PTPN1: variants seen among roughly 807,000 people sequenced by gnomAD.
PTPN1 encodes protein tyrosine phosphatase non-receptor type 1, also known as tyrosine-protein phosphatase non-receptor type 1.
In PTPN1, 12 loss-of-function variants were observed where a neutral mutation model predicts 59.9. The observed-to-expected ratio is 0.20, with a 90% CI of 0.13 to 0.32. The LOEUF (loss-of-function observed/expected upper bound fraction) is 0.32. PTPN1 is among the 10% of genes least tolerant of loss of function. PTPN1 has a pLI of 1.00. For synonymous variants in PTPN1, 178 were observed against 203.6 expected, an observed-to-expected ratio of 0.87 and a Z score of 1.07; for missense variants, 356 against 549.2, an observed-to-expected ratio of 0.65 and a Z score of 3.52.
intron 1 of PTPN1, among the ~76,000 whole-genome samples, chr20:50,541,565 A>T (rs941772973): frequency 6.6e-6 from 1 of 152,104 alleles, no homozygotes; most frequent in East Asian, 1.9e-4. Flanking sequence ...CCTTTCTAAG[A>T]GCCTGGGCAA....
chr20:50,559,737 G>A (rs1295485505), intron 1 of PTPN1, among the ~76,000 whole-genome samples: 3 of 151,726 alleles, frequency 2.0e-5, no homozygotes, highest in Non-Finnish European at 4.4e-5. Flanking sequence ...TTTAAGTTTC[G>A]AGAGACATCT....
At chr20:50,547,810 C>T (rs2082682506) in intron 1 of PTPN1, among the ~76,000 whole-genome samples, 1 of 152,172 alleles carries the variant, frequency 6.6e-6, no homozygotes, top group African/African-American at 2.4e-5. Context: ...CATCAGGCCT[C>T]AGGGAATCAA....
At position 50,582,818 on chromosome 20, in the gene PTPN1, C is replaced by T. The variant is rs1473036396; in HGVS notation, c.*103C>T. 2.8e-6 allele frequency: 4 copies of T among 1,431,080 alleles called. No individual in the cohort carries two copies. The highest frequency in any genetic ancestry group is 3.7e-5 in the Admixed American group (2 of 53,692). 88.6% of individuals were successfully genotyped at this position (1,431,080 alleles called of 1,614,324 possible). ...GCGGTAGGTAAGGGCCGCCGGACCG[C>T]GTAGAGAGCCGGGCCCCGGACGGAC... is the stretch of plus-strand genomic sequence containing the variant. On this transcript the variant is annotated 3_prime_UTR_variant, in exon 10 of 10. Transcript: ENST00000371621. The surrounding 1 kb of genome is among the most constrained non-coding windows in gnomAD (Gnocchi z 4.2).
chr20:50,541,795 A>G (rs1271292276), intron 1 of PTPN1, among the ~76,000 whole-genome samples: 1 of 152,144 alleles, frequency 6.6e-6, no homozygotes, highest in Non-Finnish European at 1.5e-5. Flanking sequence ...GCTTGGACAT[A>G]GCTGTATGAT....
At chr20:50,517,423 T>G (rs770407167) in intron 1 of PTPN1, among the ~76,000 whole-genome samples, 1 of 151,906 alleles carries the variant, frequency 6.6e-6, no homozygotes, top group Non-Finnish European at 1.5e-5. Context: ...CCCAGCTAAT[T>G]TTTGTATTTT....
chr20:50,584,864 A>G lies in PTPN1; in HGVS notation c.*2149A>G, dbSNP rs1032450442. On this transcript the variant is annotated 3_prime_UTR_variant, in exon 10 of 10. Transcript: ENST00000371621. ...TGCTGATGTGAAACAGATGTTGTCAATCAGCTGGGGTTAGAGTTTTCCACT... is the reference window on the plus strand; with the variant it reads ...TGCTGATGTGAAACAGATGTTGTCAGTCAGCTGGGGTTAGAGTTTTCCACT... 38 of 152,208 alleles carry G rather than the reference A, an allele frequency of 2.5e-4. No homozygotes were observed. Among genetic ancestry groups the G allele is most frequent in the African/African-American group, 7.7e-4 (32 of 41,456 alleles). 9.4% of individuals were successfully genotyped at this position (152,208 alleles called of 1,614,324 possible).
At chr20:50,552,022 T>C (rs1229537565) in intron 1 of PTPN1, among the ~76,000 whole-genome samples, 1 of 152,348 alleles carries the variant, frequency 6.6e-6, no homozygotes, top group East Asian at 1.9e-4. Flanking sequence ...CATTTTTTGC[T>C]TGCAGTGGAA....
At chr20:50,579,074 A>C in intron 6 of PTPN1, 94 bp from the exon 7 acceptor site, 1 of 1,365,052 alleles carries the variant, frequency 7.3e-7, no homozygotes. Context: ...ACATTTCAGC[A>C]TGAGATTGGG....
At chr20:50,567,252 C>T (rs1475817593) in intron 3 of PTPN1, among the ~76,000 whole-genome samples, 2 of 152,012 alleles carry the variant, frequency 1.3e-5, no homozygotes, top group African/African-American at 4.8e-5. Flanking sequence ...CATGGTGAAA[C>T]CCCGTCTCTA....
In PTPN1 at chr20:50,582,928, C is replaced by G. The variant is rs1420887740; in HGVS notation, c.*213C>G. ...CTTTTTGCCCCTTCCACTTTGAGTA[C>G]CAAATCCACAAGCCATTTTTTGAGG... On this transcript the variant is annotated 3_prime_UTR_variant, in exon 10 of 10. Transcript: ENST00000371621. This position sits in a 1 kb window ranked among gnomAD's most constrained non-coding sequence, Gnocchi z 4.2. The G allele has an allele frequency of 1.6e-6, 1 of 606,400 alleles. No homozygotes were observed. Among genetic ancestry groups the G allele is most frequent in the African/African-American group, 1.8e-5 (1 of 54,172 alleles). 37.6% of individuals were successfully genotyped at this position (606,400 alleles called of 1,614,324 possible). A position where few individuals can be genotyped will look rare whatever the true frequency, so the allele number is the denominator to read the frequency against.
intron 1 of PTPN1, among the ~76,000 whole-genome samples, chr20:50,541,669 A>G (rs1332144969): frequency 6.6e-6 from 1 of 152,172 alleles, no homozygotes; most frequent in Admixed American, 6.5e-5. Context: ...AGAGTGACAC[A>G]AGCAGCAGGC....
chr20:50,536,440 T>G (rs1175774557), intron 1 of PTPN1, among the ~76,000 whole-genome samples: 6 of 151,842 alleles, frequency 4.0e-5, no homozygotes, highest in African/African-American at 1.5e-4. Flanking sequence ...TGTGGAGGAG[T>G]GCTGGGAAAG....
intron 1 of PTPN1, among the ~76,000 whole-genome samples, chr20:50,539,315 C>T (rs1045134008): frequency 6.6e-6 from 1 of 152,206 alleles, no homozygotes; most frequent in African/African-American, 2.4e-5. Context: ...GGATTCCAGG[C>T]GTGAGCCACC....
chr20:50,510,620 C>T (rs1289590380), intron 1 of PTPN1, 30 bp downstream of exon 1: 7 of 1,548,760 alleles, frequency 4.5e-6, no homozygotes, highest in Non-Finnish European at 1.7e-6. Flanking sequence ...CGTGGCGGGC[C>T]CTTCGCTTAG....
At chr20:50,579,390 A>G in intron 7 of PTPN1, 61 bp downstream of exon 7, 1 of 1,553,990 alleles carries the variant, frequency 6.4e-7, no homozygotes, top group Non-Finnish European at 8.8e-7. Flanking sequence ...TCTTTGAAGG[A>G]GGCTGTCAGT....
chr20:50,550,644 A>T (rs774793693), intron 1 of PTPN1, among the ~76,000 whole-genome samples: 1 of 152,246 alleles, frequency 6.6e-6, no homozygotes, highest in East Asian at 1.9e-4. Flanking sequence ...ATTGTTAAGG[A>T]CACTTCAAGC....
chr20:50,539,908 T>C (rs995484945), intron 1 of PTPN1, among the ~76,000 whole-genome samples: 3 of 151,834 alleles, frequency 2.0e-5, no homozygotes, highest in Non-Finnish European at 4.4e-5. Flanking sequence ...TTCAGGAAAA[T>C]CTTGAATTAG....
At chr20:50,537,519 G>A (rs2082629407) in intron 1 of PTPN1, among the ~76,000 whole-genome samples, 2 of 152,114 alleles carry the variant, frequency 1.3e-5, no homozygotes, top group African/African-American at 2.4e-5. Flanking sequence ...ATCCACGTGT[G>A]TATGCATTGT....
At chr20:50,556,859 T>C (rs2426160) in intron 1 of PTPN1, among the ~76,000 whole-genome samples, 96,670 of 152,078 alleles carry the variant, frequency 0.64, 30,629 homozygotes, top group Middle Eastern at 0.78. Context: ...GCAGGAGAAT[T>C]GCTTCAACCC....
Sources: allele counts gnomAD v4.1 joint callset (sites outside exome capture counted in the v4.1 genomes callset), GRCh38; gene constraint gnomAD v4.1.1; non-coding constraint Gnocchi (gnomAD v3.1); transcripts MANE v1.5; gene names NCBI Gene and HGNC (gene_info 2026-07-23, HGNC 2026-07-21).